The following PAPPA variants were observed in gnomAD, a reference collection of about 807,000 sequenced individuals.
The protein encoded by PAPPA is pappalysin-1.
In PAPPA, 60 loss-of-function variants were observed where a neutral mutation model predicts 164.0. The ratio of observed to expected loss-of-function variants is 0.37; its 90% CI spans 0.30 to 0.45. The LOEUF (loss-of-function observed/expected upper bound fraction) is 0.45, where lower values mean the gene tolerates loss of function less well. PAPPA is among the 20% of genes least tolerant of loss of function. The pLI is 1.00. For missense variants in PAPPA, 1,782 were observed against 2,087.3 expected, an observed-to-expected ratio of 0.85 and a Z score of 2.85; for synonymous variants, 875 against 814.1, an observed-to-expected ratio of 1.07 and a Z score of -1.27.
rs140451145 is a variant in PAPPA, at chr9:116,170,607, C to T, written c.415+16020C>T. Reference sequence around the variant, plus strand: ...TCCTTCCCTCCCTTTCTTCCTTCCTCCCTACCCCCTTATCTCCCCCCACTC... The same window carrying T: ...TCCTTCCCTCCCTTTCTTCCTTCCTTCCTACCCCCTTATCTCCCCCCACTC... On this transcript the variant is annotated intron_variant, in intron 1 of 21. Transcript: ENST00000328252. Among the ~76,000 whole-genome samples the T allele has an allele frequency of 5.2e-3, 792 of 151,374 alleles. 5 individuals are homozygous for T. Among genetic ancestry groups the T allele is most frequent in the Middle Eastern group, 0.024 (7 of 292 alleles).
At chr9:116,283,590 AC>A (rs1240078699) in intron 9 of PAPPA, among the ~76,000 whole-genome samples, 2 of 152,220 alleles carry the variant, frequency 1.3e-5, no homozygotes, top group East Asian at 3.8e-4. Context: ...TCAAGGGCCA[AC>A]AAAATACTCT....
rs1438951280 is a variant in PAPPA at position 116,211,599 on chromosome 9, A to T, written c.1625-40A>T. 5 of 1,583,294 alleles carry T rather than the reference A, an allele frequency of 3.2e-6. No individual in the cohort carries two copies. The South Asian group carries it at 5.6e-5, about 18-fold the overall frequency. On this transcript the variant is annotated intron_variant, in intron 3 of 21. Transcript: ENST00000328252. ...TGGGGGTTCTTGCACCAAGAAGCAG[A>T]GTACCTAGTTTGCCTGATTCTCTGG...
chr9:116,360,456 A>G (rs1481709032), intron 17 of PAPPA, among the ~76,000 whole-genome samples: 2 of 151,940 alleles, frequency 1.3e-5, no homozygotes, highest in Non-Finnish European at 2.9e-5. Context: ...AGAGGCCTGG[A>G]AAGGGGCCCC....
At chr9:116,315,130 G>A (rs2118915571) in intron 10 of PAPPA, among the ~76,000 whole-genome samples, 1 of 152,298 alleles carries the variant, frequency 6.6e-6, no homozygotes, top group South Asian at 2.1e-4. Flanking sequence ...GTCTACAAGT[G>A]ATTCCCTTAT....
At chr9:116,372,036 T>C (rs1333960611) in intron 19 of PAPPA, among the ~76,000 whole-genome samples, 2 of 152,238 alleles carry the variant, frequency 1.3e-5, no homozygotes, top group Non-Finnish European at 2.9e-5. Flanking sequence ...AGAAACACAA[T>C]GTACCTTCTT....
At chr9:116,223,882 C>G (rs760802309) in intron 5 of PAPPA, among the ~76,000 whole-genome samples, 2 of 152,190 alleles carry the variant, frequency 1.3e-5, no homozygotes, top group Non-Finnish European at 2.9e-5. Flanking sequence ...CTTCTTCCAT[C>G]AAAATGTGCT....
intron 2 of PAPPA, among the ~76,000 whole-genome samples, chr9:116,202,037 C>A (rs969341409): frequency 6.6e-6 from 1 of 152,132 alleles, no homozygotes; most frequent in African/African-American, 2.4e-5. Context: ...AGGGGAAGTC[C>A]ACTGAAGAGT....
At chr9:116,190,449 A>C (rs1392493855) in intron 2 of PAPPA, among the ~76,000 whole-genome samples, 4 of 152,224 alleles carry the variant, frequency 2.6e-5, no homozygotes, top group Non-Finnish European at 4.4e-5. Flanking sequence ...AGAAAGATGA[A>C]GGGACTTACC....
chr9:116,396,302 G>C (rs562444724), intron 21 of PAPPA, among the ~76,000 whole-genome samples: 1 of 152,158 alleles, frequency 6.6e-6, no homozygotes, highest in Non-Finnish European at 1.5e-5. Context: ...CTGACCCATA[G>C]CAAGTGCCTC....
intron 7 of PAPPA, among the ~76,000 whole-genome samples, chr9:116,242,298 A>G (rs2118760824): frequency 6.6e-6 from 1 of 152,278 alleles, no homozygotes; most frequent in East Asian, 1.9e-4. Flanking sequence ...TGATCATTGA[A>G]GAAGTTCACC....
chr9:116,278,557 A>G (rs1018964624), intron 9 of PAPPA, among the ~76,000 whole-genome samples: 3 of 152,214 alleles, frequency 2.0e-5, no homozygotes, highest in African/African-American at 4.8e-5. Context: ...GAAATGTTCC[A>G]TGGCATAAAG....
intron 20 of PAPPA, among the ~76,000 whole-genome samples, chr9:116,381,707 G>A (rs1846733869): frequency 6.6e-6 from 1 of 152,220 alleles, no homozygotes; most frequent in Non-Finnish European, 1.5e-5. Flanking sequence ...TACTCTGACT[G>A]TGCCAATGTG....
chr9:116,175,052 C>T (rs957153532), intron 1 of PAPPA, among the ~76,000 whole-genome samples: 17 of 152,198 alleles, frequency 1.1e-4, no homozygotes, highest in African/African-American at 3.4e-4. Context: ...CCTAAGGTCT[C>T]GCCAACACAC....
intron 9 of PAPPA, among the ~76,000 whole-genome samples, chr9:116,276,370 T>C (rs2118834847): frequency 6.6e-6 from 1 of 152,350 alleles, no homozygotes; most frequent in Non-Finnish European, 1.5e-5. Context: ...GAGATGCAGC[T>C]GTGGAGAAGC....
intron 9 of PAPPA, among the ~76,000 whole-genome samples, chr9:116,293,660 A>C (rs1164724392): frequency 1.3e-5 from 2 of 152,258 alleles, no homozygotes; most frequent in Non-Finnish European, 2.9e-5. Flanking sequence ...GAGTCTATGA[A>C]GTATTTCAAA....
chr9:116,341,934 G>A (rs1460626501), intron 13 of PAPPA, among the ~76,000 whole-genome samples: 1 of 152,194 alleles, frequency 6.6e-6, no homozygotes, highest in Non-Finnish European at 1.5e-5. Flanking sequence ...TTCCCTGATT[G>A]GTAAACCTTG....
At position 116,369,088 on chromosome 9, in the gene PAPPA, T is replaced by C. The variant is rs367674845; in HGVS notation, c.4605+1334T>C. On this transcript the variant is annotated intron_variant, in intron 19 of 21. Coordinates refer to ENST00000328252, the MANE Select transcript of PAPPA (RefSeq NM_002581.5). ...TTTCTCTCTCCTCCCTCTTCTGATA[T>C]ACCTTTCCTCTTGTTCTGTCTTCCT... 1.2e-4 allele frequency among the ~76,000 whole-genome samples: 18 copies of C among 152,232 alleles called. No homozygotes were observed. The East Asian group carries it at 3.1e-3, about 26-fold the overall frequency.
At position 116,211,595 on chromosome 9, in the gene PAPPA, G is replaced by T. The variant is rs139973602; in HGVS notation, c.1625-44G>T. On this transcript the variant is annotated intron_variant, in intron 3 of 21. Transcript: ENST00000328252. ...GACTTGGGGGTTCTTGCACCAAGAAGCAGAGTACCTAGTTTGCCTGATTCT... is the reference window on the plus strand; with the variant it reads ...GACTTGGGGGTTCTTGCACCAAGAATCAGAGTACCTAGTTTGCCTGATTCT... 1.1e-4 allele frequency: 180 copies of T among 1,568,860 alleles called. 2 individuals are homozygous for T. The East Asian group carries it at 4.0e-3, about 35-fold the overall frequency.
intron 17 of PAPPA, among the ~76,000 whole-genome samples, chr9:116,355,371 G>C (rs1294100960): frequency 6.6e-6 from 1 of 152,220 alleles, no homozygotes; most frequent in African/African-American, 2.4e-5. Context: ...TGACACAGCT[G>C]GCATCGGCTG....
Sources: allele counts gnomAD v4.1 joint callset (sites outside exome capture counted in the v4.1 genomes callset), GRCh38; gene constraint gnomAD v4.1.1; transcripts MANE v1.5; gene names NCBI Gene and HGNC (gene_info 2026-07-23, HGNC 2026-07-21).